Variants in ZMAT1 observed in about 807,000 individuals in gnomAD.
The protein encoded by ZMAT1 is zinc finger matrin-type protein 1.
ZMAT1 carries 11 observed loss-of-function variants against 18.5 expected under a neutral mutation model. The observed-to-expected ratio is 0.59, with a 90% CI of 0.37 to 0.98. The LOEUF is 0.98. Ranked by LOEUF, ZMAT1 falls within the 50% of genes least tolerant of loss-of-function variation. ZMAT1 has a pLI of 0.01. For missense variants in ZMAT1, 525 were observed against 496.2 expected (o/e 1.06, Z -0.55); for synonymous variants, 211 against 176.4 (o/e 1.20, Z -1.55).
In ZMAT1 at chrX:101,884,689, T is replaced by C. The variant is rs1342331242; in HGVS notation, c.909A>G (p.Glu303=). The C allele has an allele frequency of 5.8e-6, 7 of 1,208,827 alleles. No homozygotes were observed. The highest frequency in any genetic ancestry group is 7.8e-6 in the Non-Finnish European group (7 of 894,685). ...ATCTACGGGTTTCCAAAGAACTCTC[T>C]TCCATCTTTCTGAAACAAGTCTTGG... The part of the protein sequence containing the change: ...LEAKTCFRKM[E]ESSLETRRYR... The change falls in exon 6 of 6, where the codon GAA becomes GAG. Residue 303 remains glutamate (E), a synonymous_variant. Transcript: ENST00000651725.
At chrX:101,899,852 T>A (rs1928099900) in intron 2 of ZMAT1, among the ~76,000 whole-genome samples, 2 of 112,172 alleles carry the variant, frequency 1.8e-5, no homozygotes, top group East Asian at 5.6e-4. Context: ...ATGATAGTTC[T>A]ACTCTTAGTT....
chrX:101,897,671 C>A (rs11796892), intron 4 of ZMAT1, among the ~76,000 whole-genome samples, 197 bp downstream of exon 4: 19,230 of 109,893 alleles, frequency 0.17, 1,330 homozygotes, highest in African/African-American at 0.2. Flanking sequence ...CACAACATTT[C>A]TTAAAAATCA....
intron 1 of ZMAT1, among the ~76,000 whole-genome samples, chrX:101,928,345 C>A (rs1930180836): frequency 8.9e-6 from 1 of 112,125 alleles, no homozygotes; most frequent in African/African-American, 3.2e-5. Flanking sequence ...AGGTTACCCA[C>A]TAGATTTTCT....
chrX:101,913,966 C>CA (rs1183585915), intron 1 of ZMAT1, among the ~76,000 whole-genome samples: 1 of 111,653 alleles, frequency 9.0e-6, no homozygotes, highest in Non-Finnish European at 1.9e-5. Flanking sequence ...TTAAAACTCT[C>CA]AAAAAACTGA....
intron 4 of ZMAT1, chrX:101,889,917 C>T (rs773871397): frequency 1.2e-4 from 14 of 112,002 alleles, no homozygotes; most frequent in Admixed American, 1.9e-4. Flanking sequence ...ATGTGAATAT[C>T]GGATTTATGT....
In ZMAT1 at chrX:101,882,361, C is replaced by T. The variant is rs1008674334; in HGVS notation, c.*1149G>A. On this transcript the variant is annotated 3_prime_UTR_variant, in exon 6 of 6. Coordinates refer to ENST00000651725, the MANE Select transcript of ZMAT1 (RefSeq NM_001394560.1). ...ACCTTATATCAGTACTTTTTGAGACCGTTTTAAAACTATATATCATCTAAG... is the reference window on the plus strand; with the variant it reads ...ACCTTATATCAGTACTTTTTGAGACTGTTTTAAAACTATATATCATCTAAG... 6 of 111,262 alleles carry T rather than the reference C, an allele frequency of 5.4e-5. No individual in the cohort carries two copies. The East Asian group carries it at 1.4e-3, about 26-fold the overall frequency. 9.2% of individuals were successfully genotyped at this position (111,262 alleles called of 1,213,427 possible). A position where few individuals can be genotyped will look rare whatever the true frequency, so the allele number is the denominator to read the frequency against.
chrX:101,913,933 T>C (rs986260170), intron 1 of ZMAT1, among the ~76,000 whole-genome samples: 6 of 112,128 alleles, frequency 5.4e-5, no homozygotes, highest in African/African-American at 1.9e-4. Flanking sequence ...GAATAGACCA[T>C]ATGTTAGGTC....
At chrX:101,906,527 G>A (rs185238308) in intron 1 of ZMAT1, among the ~76,000 whole-genome samples, 350 of 111,537 alleles carry the variant, frequency 3.1e-3, no homozygotes, top group African/African-American at 0.011. Context: ...CCTCCAGGCT[G>A]GCACCTGTAG....
chrX:101,886,350 T>C (rs1926946911), intron 5 of ZMAT1, among the ~76,000 whole-genome samples: 1 of 111,385 alleles, frequency 9.0e-6, no homozygotes, highest in Non-Finnish European at 1.9e-5. Context: ...ATTTGTATGG[T>C]TAGTGTGAGA....
Position 101,883,306 on chromosome X carries a change from T to G in ZMAT1, c.*204A>C. The G allele has an allele frequency of 3.9e-6, 1 of 255,135 alleles. No homozygotes were observed. The highest frequency in any genetic ancestry group is 6.4e-6 in the Non-Finnish European group (1 of 157,207). 21.0% of individuals were successfully genotyped at this position (255,135 alleles called of 1,213,427 possible). ...CTCTTATGTTCTCCTTGAGTTCTTA[T>G]GTTCTTTTCTCAGAGGTTAAGTTTG... On this transcript the variant is annotated 3_prime_UTR_variant, in exon 6 of 6. Transcript: ENST00000651725.
chrX:101,914,824 C>T (rs1929205704), intron 1 of ZMAT1, among the ~76,000 whole-genome samples: 5 of 111,608 alleles, frequency 4.5e-5, no homozygotes, highest in African/African-American at 1.6e-4. Flanking sequence ...AGCAATACTT[C>T]CAAACTCATT....
chrX:101,905,116 A>G (rs1928519336), intron 1 of ZMAT1, among the ~76,000 whole-genome samples: 1 of 112,112 alleles, frequency 8.9e-6, no homozygotes, highest in Non-Finnish European at 1.9e-5. Context: ...GGTCCAAGAA[A>G]CATGAAGCTA....
At chrX:101,900,841 T>G (rs934743841) in intron 2 of ZMAT1, among the ~76,000 whole-genome samples, 1 of 111,652 alleles carries the variant, frequency 9.0e-6, no homozygotes, top group Admixed American at 9.5e-5. Flanking sequence ...CCGTGAAGAA[T>G]GATGGTGGTA....
chrX:101,915,574 TA>T (rs1222621731), intron 1 of ZMAT1: 1 of 111,528 alleles, frequency 9.0e-6, no homozygotes, highest in Non-Finnish European at 1.9e-5. Flanking sequence ...AAAAAGAAAC[TA>T]AAAAATAACT....
chrX:101,930,687 G>C (rs1930424177), intron 1 of ZMAT1, among the ~76,000 whole-genome samples: 1 of 112,203 alleles, frequency 8.9e-6, no homozygotes, highest in African/African-American at 3.2e-5. Context: ...AGGTAACACA[G>C]CAAATTCTGG....
chrX:101,918,836 T>A (rs2147665619), intron 1 of ZMAT1, among the ~76,000 whole-genome samples: 1 of 110,659 alleles, frequency 9.0e-6, no homozygotes, highest in African/African-American at 3.3e-5. Context: ...AGTCAAAGTT[T>A]GAAACTGACA....
At chrX:101,913,610 T>A (rs1048055926) in intron 1 of ZMAT1, among the ~76,000 whole-genome samples, 9 of 111,582 alleles carry the variant, frequency 8.1e-5, no homozygotes, top group African/African-American at 2.9e-4. Flanking sequence ...TATATGATGA[T>A]AAAGGGGTCA....
chrX:101,915,142 T>A (rs758745415), intron 1 of ZMAT1, among the ~76,000 whole-genome samples: 1 of 111,769 alleles, frequency 8.9e-6, no homozygotes, highest in South Asian at 3.7e-4. Flanking sequence ...CATTCCTTTG[T>A]GATAAAAATC....
At chrX:101,913,367 T>C (rs1929087252) in intron 1 of ZMAT1, among the ~76,000 whole-genome samples, 1 of 111,319 alleles carries the variant, frequency 9.0e-6, no homozygotes, top group South Asian at 3.8e-4. Flanking sequence ...GTAAATGGAC[T>C]AAACTTCCCC....
Sources: allele counts gnomAD v4.1 joint callset (sites outside exome capture counted in the v4.1 genomes callset), GRCh38; gene constraint gnomAD v4.1.1; transcripts MANE v1.5; gene names NCBI Gene and HGNC (gene_info 2026-07-23, HGNC 2026-07-21).